Variants in WDFY3 observed in about 807,000 individuals in gnomAD.
WDFY3 encodes the protein WD repeat and FYVE domain-containing protein 3.
Under a neutral mutation model 409.6 loss-of-function variants are expected in WDFY3, and 66 were observed. That is an observed-to-expected ratio of 0.16 (90% confidence interval 0.13 to 0.20). WDFY3 has a LOEUF of 0.20. WDFY3 is among the 10% of genes least tolerant of loss of function. WDFY3 has a pLI of 1.00. For synonymous variants in WDFY3, 1,521 were observed against 1,537.1 expected (o/e 0.99, Z 0.25); for missense variants, 3,031 against 4,298.1 (o/e 0.71, Z 8.24).
At chr4:84,849,793 C>G in intron 5 of WDFY3, 109 bp downstream of exon 5, 2 of 1,447,320 alleles carry the variant, frequency 1.4e-6, no homozygotes, top group Non-Finnish European at 1.9e-6. Flanking sequence ...GGTAAATGAA[C>G]TCAATGTGCT....
Position 84,801,859 on chromosome 4 carries a change from A to G in WDFY3, c.2613T>C (p.Ala871=), listed in dbSNP as rs1750627056. The G allele has an allele frequency of 1.2e-6, 2 of 1,613,652 alleles. No homozygotes were observed. Among genetic ancestry groups the G allele is most frequent in the African/African-American group, 2.7e-5 (2 of 75,066 alleles). The change falls in exon 17 of 68, where the codon GCT becomes GCC. Residue 871 remains alanine (A), a synonymous_variant. Transcript: ENST00000295888. ...TTGCCACGGCAAGTTGAAGATCCAA[A>G]GCATGCTAAAATCAACAAAGAAATC... ...SVGSVTQPEH[A]LDLQLAVANI...
intron 25 of WDFY3, 142 bp downstream of exon 25, chr4:84,782,821 T>A: frequency 1.6e-6 from 1 of 628,618 alleles, no homozygotes; most frequent in Non-Finnish European, 2.7e-6. Context: ...GATTGTTACA[T>A]GTAATCTCTG....
At chr4:84,775,231 T>C (rs1745351946) in intron 27 of WDFY3, 93 bp from the exon 28 acceptor site, 1 of 1,020,464 alleles carries the variant, frequency 9.8e-7, no homozygotes, top group African/African-American at 1.6e-5. Flanking sequence ...GGAACTTATT[T>C]CACTTATATA....
At chr4:84,936,570 A>C (rs1472194412) in intron 1 of WDFY3, among the ~76,000 whole-genome samples, 2 of 152,128 alleles carry the variant, frequency 1.3e-5, no homozygotes, top group Non-Finnish European at 1.5e-5. Flanking sequence ...ATTTTTTTCC[A>C]AATAGCCCAG....
Position 84,796,577 on chromosome 4 carries a change from A to G in WDFY3, c.3111T>C (p.His1037=), listed in dbSNP as rs754599066. Residue 1037 remains histidine (H), a synonymous_variant, in exon 19 of 68, where the codon CAT becomes CAC. Coordinates refer to ENST00000295888, the MANE Select transcript of WDFY3 (RefSeq NM_014991.6). ...SMTTPHDIRL[H]GSSVTPAFVE... The stretch of plus-strand genomic sequence containing the variant: ...CAAAAGCTGGAGTAACTGATGACCC[A>G]TGAAGTCTGATGTCATGTGGGGTTG... 3 of 1,613,216 alleles carry G rather than the reference A, an allele frequency of 1.9e-6. No individual in the cohort carries two copies. Among genetic ancestry groups the G allele is most frequent in the Admixed American group, 3.3e-5 (2 of 59,876 alleles).
In WDFY3 at chr4:84,671,595, CT is replaced by C. The variant is rs1725453234; in HGVS notation, c.*1272del. ...TTAGCCCCTTCCAGCTTTAATCCCC[CT>C]GGATTTGTGTGTTCTGTATCCAACT... On this transcript the variant is annotated 3_prime_UTR_variant, in exon 68 of 68. Transcript: ENST00000295888. 6.6e-6 allele frequency: 1 copy of C among 151,928 alleles called. No homozygotes were observed. The highest frequency in any genetic ancestry group is 2.4e-5 in the African/African-American group (1 of 41,300). The allele number at this position is 151,928 out of a possible 1,614,324, so 9.4% of individuals were successfully genotyped here. A position where few individuals can be genotyped will look rare whatever the true frequency, so the allele number is the denominator to read the frequency against.
intron 3 of WDFY3, among the ~76,000 whole-genome samples, chr4:84,861,094 C>G (rs1760560022): frequency 6.6e-6 from 1 of 151,958 alleles, no homozygotes; most frequent in African/African-American, 2.4e-5. Context: ...GCGTATAGTC[C>G]CAAGTACTCA....
chr4:84,726,511 C>T (rs935101766), intron 45 of WDFY3, among the ~76,000 whole-genome samples: 1 of 152,062 alleles, frequency 6.6e-6, no homozygotes, highest in African/African-American at 2.4e-5. Context: ...AAATGAGTCA[C>T]TGAAAAGTTG....
intron 9 of WDFY3, among the ~76,000 whole-genome samples, chr4:84,828,265 C>T (rs757384938): frequency 1.6e-5 from 2 of 124,990 alleles, no homozygotes; most frequent in Admixed American, 1.8e-4. Flanking sequence ...AGTATGTGCA[C>T]GAACCATTTG....
At chr4:84,794,433 T>C in intron 21 of WDFY3, 86 bp downstream of exon 21, 1 of 1,279,244 alleles carries the variant, frequency 7.8e-7, no homozygotes, top group Non-Finnish European at 1.1e-6. Flanking sequence ...TGAAAAGTTA[T>C]TATTAGCTGG....
intron 35 of WDFY3, among the ~76,000 whole-genome samples, chr4:84,752,593 T>A (rs1045356480): frequency 6.6e-6 from 1 of 152,070 alleles, no homozygotes; most frequent in African/African-American, 2.4e-5. Flanking sequence ...GGTCTTTTTT[T>A]TTTAAACCAA....
At chr4:84,682,709 G>T in intron 63 of WDFY3, 1 of 447,886 alleles carries the variant, frequency 2.2e-6, no homozygotes, top group Non-Finnish European at 4.1e-6. Flanking sequence ...GTTCAGGCCA[G>T]GTGTAGTGCT....
chr4:84,714,325 G>T (rs1204928438), intron 50 of WDFY3, among the ~76,000 whole-genome samples: 1 of 152,074 alleles, frequency 6.6e-6, no homozygotes, highest in Non-Finnish European at 1.5e-5. Flanking sequence ...CCCCAGGCTG[G>T]TCTTTAACTC....
intron 1 of WDFY3, among the ~76,000 whole-genome samples, chr4:84,957,620 T>TA (rs1774406183): frequency 6.6e-6 from 1 of 152,186 alleles, no homozygotes; most frequent in African/African-American, 2.4e-5. Flanking sequence ...ACCCTAATGA[T>TA]ACCTAGATGT....
intron 51 of WDFY3, among the ~76,000 whole-genome samples, chr4:84,709,818 C>CTG (rs1224365096): frequency 6.6e-6 from 1 of 152,184 alleles, no homozygotes; most frequent in Admixed American, 6.5e-5. Context: ...CCTCTACCTC[C>CTG]TGGGTTCTAG....
At chr4:84,837,578 T>C (rs767778752) in intron 6 of WDFY3, among the ~76,000 whole-genome samples, 15 of 152,306 alleles carry the variant, frequency 9.8e-5, no homozygotes, top group Non-Finnish European at 2.1e-4. Flanking sequence ...TTTATTCTTA[T>C]TGTAGATTTT....
At chr4:84,900,764 T>A (rs1266919989) in intron 2 of WDFY3, among the ~76,000 whole-genome samples, 2 of 152,172 alleles carry the variant, frequency 1.3e-5, no homozygotes, top group East Asian at 3.9e-4. Context: ...GTGGTAGCAG[T>A]TACACTTATC....
chr4:84,887,447 C>T (rs970819485), intron 3 of WDFY3, among the ~76,000 whole-genome samples: 30 of 152,290 alleles, frequency 2.0e-4, no homozygotes, highest in African/African-American at 7.0e-4. Flanking sequence ...AAAACACCAG[C>T]CATTCTTTCC....
intron 51 of WDFY3, among the ~76,000 whole-genome samples, 189 bp from the exon 52 acceptor site, chr4:84,709,536 A>G (rs1732538041): frequency 6.6e-6 from 1 of 152,264 alleles, no homozygotes. Context: ...ATAGAACTGA[A>G]CTGAAGAAAA....
Sources: allele counts gnomAD v4.1 joint callset (sites outside exome capture counted in the v4.1 genomes callset), GRCh38; gene constraint gnomAD v4.1.1; transcripts MANE v1.5; gene names NCBI Gene and HGNC (gene_info 2026-07-23, HGNC 2026-07-21).